Variants in GALNT17 observed in about 807,000 individuals in gnomAD.
GALNT17 encodes polypeptide N-acetylgalactosaminyltransferase 17, also known as UDP-GalNAc:polypeptide N-acetylgalactosaminyltransferase-like 3.
In GALNT17, 29 loss-of-function variants were observed where a neutral mutation model predicts 63.7. The ratio of observed to expected loss-of-function variants is 0.46; its 90% CI spans 0.34 to 0.62. GALNT17 has a LOEUF of 0.62. Ranked by LOEUF, GALNT17 falls within the 20% of genes least tolerant of loss-of-function variation. The pLI, the probability that GALNT17 is intolerant of heterozygous loss-of-function variation, is 0.01. For synonymous variants in GALNT17, 305 were observed against 318.3 expected, an observed-to-expected ratio of 0.96 and a Z score of 0.45; for missense variants, 603 against 799.6, an observed-to-expected ratio of 0.75 and a Z score of 2.97.
intron 1 of GALNT17, among the ~76,000 whole-genome samples, chr7:71,153,623 T>C (rs1788174169): frequency 6.6e-6 from 1 of 152,094 alleles, no homozygotes; most frequent in African/African-American, 2.4e-5. Context: ...GGTTTAAAAA[T>C]GTATCTACAG....
intron 9 of GALNT17, among the ~76,000 whole-genome samples, chr7:71,684,837 A>T (rs1175943551): frequency 6.6e-6 from 1 of 151,896 alleles, no homozygotes; most frequent in African/African-American, 2.4e-5. Context: ...CTAATTTTTC[A>T]GTTTTTTTGT....
intron 6 of GALNT17, among the ~76,000 whole-genome samples, chr7:71,574,062 G>C (rs1448531970): frequency 6.6e-6 from 1 of 152,192 alleles, no homozygotes; most frequent in Admixed American, 6.5e-5. Context: ...TTCTGCCATT[G>C]ATGGGTATTT....
intron 5 of GALNT17, among the ~76,000 whole-genome samples, chr7:71,448,357 ATGTGTGTGTGTG>A (rs113851150): frequency 6.8e-6 from 1 of 147,588 alleles, no homozygotes; most frequent in African/African-American, 2.5e-5. Flanking sequence ...CTTCGTGTGT[ATGTGTGTGTGTG>A]TGTGTGTGTG....
chr7:71,683,455 T>C (rs1050545813), intron 9 of GALNT17, among the ~76,000 whole-genome samples: 17 of 152,168 alleles, frequency 1.1e-4, no homozygotes, highest in African/African-American at 4.1e-4. Context: ...CAGAAGGAAT[T>C]GGTGCTCCAC....
At chr7:71,312,231 A>G (rs893479855) in intron 1 of GALNT17, among the ~76,000 whole-genome samples, 1 of 152,190 alleles carries the variant, frequency 6.6e-6, no homozygotes, top group Non-Finnish European at 1.5e-5. Context: ...CCTTCGTGCT[A>G]CTGTGCACTG....
In GALNT17 at chr7:71,552,010, T is replaced by TTTTA. The variant is rs202005508; in HGVS notation, c.963-19227_963-19224dup. 4.1e-3 allele frequency among the ~76,000 whole-genome samples: 528 copies of TTTTA among 128,312 alleles called. 4 individuals carry two copies. Among genetic ancestry groups the TTTTA allele is most frequent in the African/African-American group, 0.014 (506 of 35,144 alleles). The allele number at this position is 128,312 out of a possible 152,430, so 84.2% of individuals were successfully genotyped here. On this transcript the variant is annotated intron_variant, in intron 5 of 10. Coordinates refer to ENST00000333538, the MANE Select transcript of GALNT17 (RefSeq NM_022479.3). ...GCCAGGTTGACTTTCAGGTTGCTCT[T>TTTTA]TTTATTTATTTATTTATTTATTTAT...
chr7:71,270,940 GA>G (rs3839728), intron 1 of GALNT17, among the ~76,000 whole-genome samples: 19 of 143,398 alleles, frequency 1.3e-4, no homozygotes, highest in East Asian at 8.1e-4. Context: ...TTTAATCAGA[GA>G]AAAAAAAAAG....
intron 2 of GALNT17, among the ~76,000 whole-genome samples, chr7:71,364,623 T>C (rs1437213690): frequency 6.6e-6 from 1 of 152,122 alleles, no homozygotes; most frequent in Non-Finnish European, 1.5e-5. Flanking sequence ...TTAAAGCAAT[T>C]TTTAAACCCA....
chr7:71,185,534 T>TC lies in GALNT17; in HGVS notation c.238+52494_238+52495insC. 6.1e-5 allele frequency among the ~76,000 whole-genome samples: 9 copies of TC among 148,170 alleles called. No homozygotes were observed. In the Middle Eastern group the frequency reaches 0.028, roughly 454 times the overall value. On this transcript the variant is annotated intron_variant, in intron 1 of 10. Coordinates refer to ENST00000333538, the MANE Select transcript of GALNT17 (RefSeq NM_022479.3). ...TTTCGTTTCTTTTCTTTTTTTTTTT[T>TC]TTTTTTGAGACGGAGTCTGGCTCTG... is the stretch of plus-strand genomic sequence containing the variant.
chr7:71,280,276 C>G (rs1183321370), intron 1 of GALNT17, among the ~76,000 whole-genome samples: 1 of 152,136 alleles, frequency 6.6e-6, no homozygotes, highest in Non-Finnish European at 1.5e-5. Flanking sequence ...CTTTCATCTT[C>G]ATGGTTTCCC....
chr7:71,490,997 C>A (rs1445091791), intron 5 of GALNT17, among the ~76,000 whole-genome samples: 1 of 152,098 alleles, frequency 6.6e-6, no homozygotes, highest in Non-Finnish European at 1.5e-5. Context: ...AATTCGAGAC[C>A]AGCCTGACCA....
In GALNT17 at chr7:71,700,594, A is replaced by G. The variant is rs564580427; in HGVS notation, c.1501-10167A>G. Among the ~76,000 whole-genome samples the G allele has an allele frequency of 3.8e-4, 58 of 152,234 alleles. 1 individual carries two copies. The highest frequency in any genetic ancestry group is 2.8e-3 in the Admixed American group (43 of 15,300). The stretch of plus-strand genomic sequence containing the variant: ...TCTATACTCCATCATGGTGAAAGCT[A>G]TGCTTGGGTTCTCCAAAACACCACA... On this transcript the variant is annotated intron_variant, in intron 9 of 10. Transcript: ENST00000333538.
At chr7:71,626,007 A>T (rs192294639) in intron 6 of GALNT17, among the ~76,000 whole-genome samples, 129 of 152,230 alleles carry the variant, frequency 8.5e-4, no homozygotes, top group Non-Finnish European at 1.3e-3. Flanking sequence ...GCACTTTAGG[A>T]GGCCAAGGCA....
At chr7:71,446,045 T>C (rs1787155491) in intron 5 of GALNT17, among the ~76,000 whole-genome samples, 1 of 152,228 alleles carries the variant, frequency 6.6e-6, no homozygotes, top group Non-Finnish European at 1.5e-5. Context: ...GAGGCTTAAA[T>C]CTTAAATTAT....
rs1207392367 is a variant in GALNT17 at position 71,415,876 on chromosome 7, T to A, written c.590-13T>A. 1 of 1,568,786 alleles carries A rather than the reference T, an allele frequency of 6.4e-7. No homozygotes were observed. Among genetic ancestry groups the A allele is most frequent in the African/African-American group, 1.4e-5 (1 of 73,684 alleles). On this transcript the variant is annotated splice_polypyrimidine_tract_variant and intron_variant, in intron 3 of 10. Coordinates refer to ENST00000333538, the MANE Select transcript of GALNT17 (RefSeq NM_022479.3). ...CATGTTTATAGACCTTCTTGCATTT[T>A]TGTCATTTGCAGAGGAGCTGAAGGT...
intron 3 of GALNT17, among the ~76,000 whole-genome samples, chr7:71,415,259 G>A (rs1793504290): frequency 1.3e-5 from 2 of 152,114 alleles, no homozygotes; most frequent in Admixed American, 1.3e-4. Context: ...GAACAGGTTA[G>A]CCTCCCTAAG....
chr7:71,639,219 C>T (rs1386294121), intron 6 of GALNT17, among the ~76,000 whole-genome samples: 1 of 152,118 alleles, frequency 6.6e-6, no homozygotes, highest in East Asian at 1.9e-4. Flanking sequence ...TATACAGCTA[C>T]TGTGTACCCA....
intron 2 of GALNT17, among the ~76,000 whole-genome samples, chr7:71,381,197 G>T (rs774603622): frequency 1.3e-5 from 2 of 151,872 alleles, no homozygotes; most frequent in Non-Finnish European, 2.9e-5. Context: ...CCTGACCTCT[G>T]GTGGTCCGCT....
intron 1 of GALNT17, among the ~76,000 whole-genome samples, chr7:71,136,611 A>G (rs1778942158): frequency 6.6e-6 from 1 of 151,312 alleles, no homozygotes; most frequent in Non-Finnish European, 1.5e-5. Context: ...TCAGCTCCCG[A>G]GTAGCTGGGA....
Sources: allele counts gnomAD v4.1 joint callset (sites outside exome capture counted in the v4.1 genomes callset), GRCh38; gene constraint gnomAD v4.1.1; transcripts MANE v1.5; gene names NCBI Gene and HGNC (gene_info 2026-07-23, HGNC 2026-07-21).